The following LENG8 variants were observed in gnomAD, a reference collection of about 807,000 sequenced individuals.
LENG8 encodes leukocyte receptor cluster member 8, also known as leukocyte receptor cluster (LRC) member 8.
LENG8 carries 28 observed loss-of-function variants against 102.1 expected under a neutral mutation model. That is an observed-to-expected ratio of 0.27 (90% CI 0.20 to 0.38). LENG8 has a LOEUF of 0.38. LENG8 is among the 10% of genes least tolerant of loss of function. The probability of loss-of-function intolerance (pLI) is 1.00; values close to 1 mark genes in which losing one functional copy is unlikely to be tolerated. For missense variants in LENG8, 1,022 were observed against 1,113.9 expected (o/e 0.92, Z 1.17); for synonymous variants, 531 against 456.7 (o/e 1.16, Z -2.07).
chr19:54,454,525 T>C lies in LENG8; in HGVS notation c.522T>C (p.His174=). The C allele has an allele frequency of 6.2e-7, 1 of 1,613,846 alleles. No homozygotes were observed. The highest frequency in any genetic ancestry group is 8.5e-7 in the Non-Finnish European group (1 of 1,179,936). The change falls in exon 6 of 16, where the codon CAT becomes CAC. Residue 174 remains histidine, a synonymous_variant. Coordinates refer to ENST00000326764, the MANE Select transcript of LENG8 (RefSeq NM_052925.4). ...AQPPQPSNPP[H]GAHTLNSGPQ... is the part of the protein sequence containing the mutation. ...CCCCTCAGCCCTCAAATCCCCCACA[T>C]GGGGCTCACACGCTGAACAGTGGCC...
intron 1 of LENG8, 64 bp from the exon 2 acceptor site, chr19:54,451,226 C>A: frequency 9.5e-7 from 1 of 1,058,022 alleles, no homozygotes; most frequent in Non-Finnish European, 1.5e-6. Flanking sequence ...TACTTTTCTT[C>A]CCCACTTTGT....
At position 54,452,657 on chromosome 19, in the gene LENG8, T is replaced by A; in HGVS notation, c.220T>A (p.Ser74Thr). 1.9e-6 allele frequency: 3 copies of A among 1,613,634 alleles called. No homozygotes were observed. Among genetic ancestry groups the A allele is most frequent in the Non-Finnish European group, 2.5e-6 (3 of 1,179,546 alleles). ...NGPVASAQYV[S>T]QAEASALQQQ... ...TGTGCCTCTGCTTCCACAGTACGTG[T>A]CCCAGGCAGAAGCCTCAGCTTTGCA... Residue 74 changes from serine (S) to threonine (T), a missense_variant, in exon 4 of 16, where the codon TCC (serine) becomes ACC (threonine). By Grantham distance (58) the Ser-to-Thr change is moderately conservative. Transcript: ENST00000326764.
rs535452245 is a variant in LENG8 at position 54,461,961 on chromosome 19, A to C, written c.*1033A>C. ...CTTCCTTCCTTCCTTTCCTTGGAGC[A>C]CTGAGCACCATTTGGAAGCTTGAGA... On this transcript the variant is annotated 3_prime_UTR_variant, in exon 16 of 16. Coordinates refer to ENST00000326764, the MANE Select transcript of LENG8 (RefSeq NM_052925.4). 7.5e-6 allele frequency: 8 copies of C among 1,060,530 alleles called. No homozygotes were observed. The highest frequency in any genetic ancestry group is 1.0e-5 in the Non-Finnish European group (7 of 689,268). 65.7% of individuals were successfully genotyped at this position (1,060,530 alleles called of 1,614,324 possible). A position where few individuals can be genotyped will look rare whatever the true frequency, so the allele number is the denominator to read the frequency against.
intron 4 of LENG8, 75 bp downstream of exon 4, chr19:54,452,827 G>C (rs1007729951): frequency 9.6e-7 from 1 of 1,042,708 alleles, no homozygotes; most frequent in African/African-American, 1.6e-5. Context: ...AGTGGAGTCT[G>C]CCGGGATGGG....
chr19:54,458,719 C>G, intron 15 of LENG8, 198 bp downstream of exon 15: 1 of 1,551,346 alleles, frequency 6.4e-7, no homozygotes, highest in Non-Finnish European at 8.7e-7. Context: ...CTCTGTGTTC[C>G]GGGTCACTCC....
Position 54,456,447 on chromosome 19 carries a change from G to A in LENG8, c.1427G>A (p.Arg476Lys). Residue 476 changes from arginine to lysine, a missense_variant, in exon 10 of 16, where the codon AGG becomes AAG. Physicochemically the swap from Arg to Lys is conservative, Grantham distance 26. Coordinates refer to ENST00000326764, the MANE Select transcript of LENG8 (RefSeq NM_052925.4). ...GCCCATATGGATCGGGGCCGAGGCA[G>A]GGCGCAGCGTGGGAAGAGGTGAGAC... ...RGAHMDRGRG[R>K]AQRGKRHDLA... is the part of the protein sequence containing the mutation. 6.2e-7 allele frequency: 1 copy of A among 1,607,052 alleles called. No individual in the cohort carries two copies. The highest frequency in any genetic ancestry group is 8.5e-7 in the Non-Finnish European group (1 of 1,179,364).
In LENG8 at chr19:54,461,998, T is replaced by TA; in HGVS notation, c.*1073dup. On this transcript the variant is annotated 3_prime_UTR_variant, in exon 16 of 16. Coordinates refer to ENST00000326764, the MANE Select transcript of LENG8 (RefSeq NM_052925.4). ...TTGGAAGCTTGAGAGAAACCAAAAT[T>TA]AAAGAGAGAAAGAGAGAGCGTGCAC... 1.4e-6 allele frequency: 2 copies of TA among 1,422,430 alleles called. No individual in the cohort carries two copies. The highest frequency in any genetic ancestry group is 2.6e-5 in the South Asian group (2 of 77,072). The allele number at this position is 1,422,430 out of a possible 1,614,324, so 88.1% of individuals were successfully genotyped here. A position where few individuals can be genotyped will look rare whatever the true frequency, so the allele number is the denominator to read the frequency against.
chr19:54,456,269 T>G (rs754614255), intron 9 of LENG8, 24 bp downstream of exon 9: 8 of 1,613,958 alleles, frequency 5.0e-6, no homozygotes, highest in Non-Finnish European at 6.8e-6. Flanking sequence ...CGGCTGGGGC[T>G]GTGTGTGAGG....
rs570148427 is a variant in LENG8 at position 54,461,198 on chromosome 19, G to C, written c.*270G>C. Reference sequence around the variant, plus strand: ...ATGGTCTGCAGGCTCATCTGTGTCCGCCTTTCACTCCACTAATGCTGTCTC... The same window carrying C: ...ATGGTCTGCAGGCTCATCTGTGTCCCCCTTTCACTCCACTAATGCTGTCTC... On this transcript the variant is annotated 3_prime_UTR_variant, in exon 16 of 16. Transcript: ENST00000326764. The C allele has an allele frequency of 1.5e-6, 1 of 669,918 alleles. No individual in the cohort carries two copies. The highest frequency in any genetic ancestry group is 2.1e-5 in the Admixed American group (1 of 48,532). The allele number at this position is 669,918 out of a possible 1,614,324, so 41.5% of individuals were successfully genotyped here.
intron 4 of LENG8, 69 bp downstream of exon 4, chr19:54,452,821 G>A: frequency 8.9e-7 from 1 of 1,118,180 alleles, no homozygotes; most frequent in South Asian, 1.3e-5. Context: ...AGGTGAAGTG[G>A]AGTCTGCCGG....
At chr19:54,453,763 C>T in intron 5 of LENG8, 107 bp downstream of exon 5, 2 of 762,250 alleles carry the variant, frequency 2.6e-6, no homozygotes, top group Non-Finnish European at 4.3e-6. Context: ...TGCTTTTTTC[C>T]TTCCAAGCAA....
chr19:54,456,487 A>C (rs1166641620), intron 10 of LENG8, 22 bp downstream of exon 10: 1 of 1,590,586 alleles, frequency 6.3e-7, no homozygotes, highest in Admixed American at 1.7e-5. Context: ...TGAGGGCTCG[A>C]CACACGGGCC....
rs1269177457 is a variant in LENG8 at position 54,449,912 on chromosome 19, C to T, written c.-56+602C>T. On this transcript the variant is annotated intron_variant, in intron 1 of 15. Coordinates refer to ENST00000326764, the MANE Select transcript of LENG8 (RefSeq NM_052925.4). Reference sequence around the variant, plus strand: ...CACGATCCCTCGTCTCCACCCACGCCCTGTGTCCTGTTTAAGTTAAGCCTT... The same window carrying T: ...CACGATCCCTCGTCTCCACCCACGCTCTGTGTCCTGTTTAAGTTAAGCCTT... Among the ~76,000 whole-genome samples the T allele has an allele frequency of 2.6e-5, 4 of 152,218 alleles. No homozygotes were observed. In the South Asian group the frequency reaches 8.3e-4, roughly 32 times the overall value.
Position 54,454,532 on chromosome 19 carries a change from C to T in LENG8, c.529C>T (p.His177Tyr). 2 of 1,613,846 alleles carry T rather than the reference C, an allele frequency of 1.2e-6. No homozygotes were observed. The highest frequency in any genetic ancestry group is 1.7e-6 in the Non-Finnish European group (2 of 1,179,928). ...PQPSNPPHGA[H>Y]TLNSGPQPGT... Reference sequence around the variant, plus strand: ...GCCCTCAAATCCCCCACATGGGGCTCACACGCTGAACAGTGGCCCTCAGCC... The same window carrying T: ...GCCCTCAAATCCCCCACATGGGGCTTACACGCTGAACAGTGGCCCTCAGCC... Residue 177 changes from histidine (H) to tyrosine (Y), a missense_variant, in exon 6 of 16, where the codon CAC (histidine) becomes TAC (tyrosine). His to Tyr is a moderately conservative substitution (Grantham distance 83). This residue lies in a region of LENG8 where 343 missense variants were observed against 320.2 expected (regional missense o/e 1.07). Coordinates refer to ENST00000326764, the MANE Select transcript of LENG8 (RefSeq NM_052925.4).
Position 54,461,038 on chromosome 19 carries a change from G to T in LENG8, c.*110G>T. 2.7e-6 allele frequency: 4 copies of T among 1,459,524 alleles called. No individual in the cohort carries two copies. The highest frequency in any genetic ancestry group is 3.7e-6 in the Non-Finnish European group (4 of 1,083,706). The allele number at this position is 1,459,524 out of a possible 1,614,324, so 90.4% of individuals were successfully genotyped here. Reference sequence around the variant, plus strand: ...TTGTAAATTTATTTGTGGGGAGTGCGCTCCAGGAAGAGCCACCATCCCTGC... The same window carrying T: ...TTGTAAATTTATTTGTGGGGAGTGCTCTCCAGGAAGAGCCACCATCCCTGC... On this transcript the variant is annotated 3_prime_UTR_variant, in exon 16 of 16. Coordinates refer to ENST00000326764, the MANE Select transcript of LENG8 (RefSeq NM_052925.4).
At chr19:54,457,640 CT>C (rs915800678) in intron 11 of LENG8, 106 bp from the exon 12 acceptor site, 28 of 833,788 alleles carry the variant, frequency 3.4e-5, no homozygotes, top group Middle Eastern at 3.0e-4. Context: ...TGCGCCTGGC[CT>C]TTTTTTTCTT....
In LENG8 at chr19:54,455,042, G is replaced by A; in HGVS notation, c.771G>A (p.Gln257=). 3 of 1,614,158 alleles carry A rather than the reference G, an allele frequency of 1.9e-6. No individual in the cohort carries two copies. The highest frequency in any genetic ancestry group is 1.1e-5 in the South Asian group (1 of 91,084). ...TQSFGSNAEG[Q]HSGFGPQPNP... is the part of the protein sequence containing the mutation. ...GCTTTGGCTCCAACGCAGAGGGCCA[G>A]CACAGTGGTTTTGGCCCCCAGCCCA... is the stretch of plus-strand genomic sequence containing the variant. The change falls in exon 7 of 16, where the codon CAG becomes CAA. Residue 257 remains glutamine, a synonymous_variant. Coordinates refer to ENST00000326764, the MANE Select transcript of LENG8 (RefSeq NM_052925.4).
At chr19:54,450,210 C>G (rs2083892684) in intron 1 of LENG8, among the ~76,000 whole-genome samples, 1 of 152,162 alleles carries the variant, frequency 6.6e-6, no homozygotes, top group Non-Finnish European at 1.5e-5. Context: ...CTTTTCTCTC[C>G]CAGCCCTACC....
At chr19:54,452,776 G>C (rs947189144) in intron 4 of LENG8, 24 bp downstream of exon 4, 11 of 1,565,656 alleles carry the variant, frequency 7.0e-6, no homozygotes, top group Non-Finnish European at 9.7e-6. Context: ...CAGTGGGGCG[G>C]GGCAGGGCGA....
Sources: gnomAD v4.1 joint callset for allele counts (sites outside exome capture counted in the v4.1 genomes callset) on GRCh38, gnomAD v4.1.1 for gene constraint, gnomAD v4.1.1 regional missense constraint, MANE v1.5 for transcripts, NCBI Gene and HGNC (gene_info 2026-07-23, HGNC 2026-07-21) for gene names.